Variants in XPO7 observed in about 807,000 individuals in gnomAD.
XPO7 encodes the protein exportin 7.
A neutral mutation model predicts 144.3 loss-of-function variants in XPO7; 21 were observed. That is an observed-to-expected ratio of 0.15 (90% CI 0.10 to 0.21). The LOEUF (loss-of-function observed/expected upper bound fraction) is 0.21. Among genes scored for constraint, XPO7 ranks in the 10% least tolerant of loss-of-function variants. The probability of loss-of-function intolerance (pLI) is 1.00; values close to 1 mark genes in which losing one functional copy is unlikely to be tolerated. For missense variants in XPO7, 808 were observed against 1,325.8 expected (o/e 0.61, Z 6.06); for synonymous variants, 580 against 499.6 (o/e 1.16, Z -2.15).
chr8:21,929,084 C>T (rs950836914), intron 1 of XPO7, among the ~76,000 whole-genome samples: 4 of 152,238 alleles, frequency 2.6e-5, no homozygotes, highest in African/African-American at 9.6e-5. Context: ...ACAGGAACTG[C>T]ATCAAGTTCT....
At chr8:21,994,710 T>G (rs1812884368) in intron 20 of XPO7, among the ~76,000 whole-genome samples, 1 of 152,102 alleles carries the variant, frequency 6.6e-6, no homozygotes, top group African/African-American at 2.4e-5. Flanking sequence ...CATATACCAC[T>G]GTAGAACTGT....
intron 9 of XPO7, among the ~76,000 whole-genome samples, chr8:21,980,483 C>A (rs28583947): frequency 6.6e-6 from 1 of 152,018 alleles, no homozygotes; most frequent in South Asian, 2.1e-4. Flanking sequence ...AGTTAAGACT[C>A]TAACATCTCC....
intron 24 of XPO7, among the ~76,000 whole-genome samples, chr8:22,001,074 G>C (rs1299916200): frequency 1.3e-5 from 2 of 152,002 alleles, no homozygotes; most frequent in African/African-American, 4.8e-5. Flanking sequence ...CAGCACTTTG[G>C]GAGGCTGAGG....
chr8:21,982,147 G>A (rs954544264), intron 10 of XPO7, among the ~76,000 whole-genome samples: 1 of 152,138 alleles, frequency 6.6e-6, no homozygotes, highest in Admixed American at 6.5e-5. Context: ...AGCCAAGGTC[G>A]GAACAGGGAG....
chr8:21,974,525 C>T (rs1812165956), intron 5 of XPO7, 145 bp from the exon 6 acceptor site: 7 of 595,280 alleles, frequency 1.2e-5, no homozygotes, highest in Non-Finnish European at 2.0e-5. Context: ...CACTAGATAG[C>T]GTTTCACAAT....
In XPO7 at chr8:21,967,150, C is replaced by T. The variant is rs1026128445; in HGVS notation, c.165+147C>T. The T allele has an allele frequency of 3.1e-5, 35 of 1,119,196 alleles. No homozygotes were observed. The African/African-American group carries it at 5.2e-4, about 17-fold the overall frequency. The allele number at this position is 1,119,196 out of a possible 1,614,324, so 69.3% of individuals were successfully genotyped here. A position where few individuals can be genotyped will look rare whatever the true frequency, so the allele number is the denominator to read the frequency against. On this transcript the variant is annotated intron_variant, in intron 2 of 27. Transcript: ENST00000252512. ...ATTTTCACTTTTAAGAAGTACCATA[C>T]CTACCAGGTTGGCAAAACAGCCATA...
At chr8:21,963,069 C>T (rs188968155) in intron 1 of XPO7, among the ~76,000 whole-genome samples, 531 of 152,200 alleles carry the variant, frequency 3.5e-3, no homozygotes, top group Non-Finnish European at 6.3e-3. Flanking sequence ...CTTGGGTTTT[C>T]GGCAATTCTT....
intron 1 of XPO7, among the ~76,000 whole-genome samples, chr8:21,948,197 T>C (rs543830332): frequency 5.8e-4 from 88 of 152,368 alleles, no homozygotes; most frequent in Admixed American, 1.2e-3. Context: ...AATAGTGACA[T>C]TTTGGTCAAC....
chr8:21,943,996 A>G (rs1326888012), intron 1 of XPO7, among the ~76,000 whole-genome samples: 1 of 152,220 alleles, frequency 6.6e-6, no homozygotes, highest in Non-Finnish European at 1.5e-5. Context: ...GTTCAACAAA[A>G]CGTTTGATAA....
chr8:21,969,651 C>T (rs2291317), intron 3 of XPO7, 75 bp downstream of exon 3: 532,499 of 1,323,732 alleles, frequency 0.4, 111,543 homozygotes, highest in Non-Finnish European at 0.44. Context: ...GTCAAATGTA[C>T]GTGTTTGTTC....
chr8:21,980,218 G>A lies in XPO7; in HGVS notation c.957+15G>A. On this transcript the variant is annotated intron_variant, in intron 9 of 27. Transcript: ENST00000252512. ...AAAACCCACAGGTAAGTTTATCTGA[G>A]AATTTACATATGTATAGGATTAGTG... 6.4e-7 allele frequency: 1 copy of A among 1,568,754 alleles called. No individual in the cohort carries two copies. Among genetic ancestry groups the A allele is most frequent in the Non-Finnish European group, 8.7e-7 (1 of 1,155,362 alleles).
At chr8:21,978,250 T>C (rs1242433702) in intron 8 of XPO7, among the ~76,000 whole-genome samples, 4 of 152,202 alleles carry the variant, frequency 2.6e-5, no homozygotes, top group Non-Finnish European at 4.4e-5. Context: ...GAAGGCTAAT[T>C]TGCATACTTA....
intron 8 of XPO7, 88 bp from the exon 9 acceptor site, chr8:21,979,996 A>C (rs1812351425): frequency 4.5e-6 from 6 of 1,333,556 alleles, no homozygotes; most frequent in Non-Finnish European, 5.9e-6. Flanking sequence ...TATCCTAAAG[A>C]AGGATATTGT....
chr8:21,995,061 A>T (rs993836618), intron 20 of XPO7, among the ~76,000 whole-genome samples: 5 of 139,528 alleles, frequency 3.6e-5, no homozygotes, highest in Admixed American at 3.4e-4. Flanking sequence ...CTCAAAAAAA[A>T]ATAAATAATA....
At chr8:21,986,523 T>C (rs1408618480) in intron 13 of XPO7, among the ~76,000 whole-genome samples, 1 of 152,148 alleles carries the variant, frequency 6.6e-6, no homozygotes, top group African/African-American at 2.4e-5. Flanking sequence ...CAGATGCCCA[T>C]TTGCCCAGAG....
chr8:21,935,167 G>A (rs1381453586), intron 1 of XPO7, among the ~76,000 whole-genome samples: 1 of 152,098 alleles, frequency 6.6e-6, no homozygotes, highest in Non-Finnish European at 1.5e-5. Context: ...TTAGGTTTGG[G>A]CCCTAATTGA....
At chr8:21,995,411 T>C in intron 20 of XPO7, 81 bp from the exon 21 acceptor site, 4 of 1,214,750 alleles carry the variant, frequency 3.3e-6, no homozygotes, top group Non-Finnish European at 4.6e-6. Flanking sequence ...GACAAGTTTT[T>C]GCTTGGCTAG....
intron 1 of XPO7, among the ~76,000 whole-genome samples, chr8:21,960,699 G>A (rs116963953): frequency 0.014 from 2,133 of 152,274 alleles, 37 homozygotes; most frequent in South Asian, 0.031. Context: ...TTTTACCGTA[G>A]TAGACATACA....
At chr8:21,954,516 C>A (rs1018070410) in intron 1 of XPO7, among the ~76,000 whole-genome samples, 1 of 152,092 alleles carries the variant, frequency 6.6e-6, no homozygotes, top group African/African-American at 2.4e-5. Flanking sequence ...GACCTGTAAT[C>A]CCAGCTACTC....
Sources: gnomAD v4.1 joint callset for allele counts (sites outside exome capture counted in the v4.1 genomes callset) on GRCh38, gnomAD v4.1.1 for gene constraint, MANE v1.5 for transcripts, NCBI Gene and HGNC (gene_info 2026-07-23, HGNC 2026-07-21) for gene names.